Variants in EYS observed in about 807,000 individuals in gnomAD.
EYS encodes the protein protein eyes shut homolog.
A neutral mutation model predicts 282.1 loss-of-function variants in EYS; 250 were observed. The observed-to-expected ratio is 0.89, with a 90% CI of 0.80 to 0.98. The LOEUF is 0.98. Among genes scored for constraint, EYS ranks in the 50% least tolerant of loss-of-function variants. The pLI is 0.00. For synonymous variants in EYS, 1,355 were observed against 1,282.9 expected (o/e 1.06, Z -1.20); for missense variants, 4,016 against 3,709.0 (o/e 1.08, Z -2.15).
chr6:65,086,254 T>G (rs140454513), intron 12 of EYS, among the ~76,000 whole-genome samples: 3 of 152,154 alleles, frequency 2.0e-5, no homozygotes, highest in African/African-American at 4.8e-5. Context: ...AGGCTGTGGT[T>G]GTATTGAGCC....
intron 2 of EYS, among the ~76,000 whole-genome samples, chr6:65,570,595 T>C (rs1562264831): frequency 6.6e-6 from 1 of 152,124 alleles, no homozygotes; most frequent in Non-Finnish European, 1.5e-5. Context: ...GCTGATACTG[T>C]CACAGAGCAG....
rs1305359095 is a variant in EYS at position 65,296,006 on chromosome 6, C to A, written c.1880G>T (p.Cys627Phe). 5.2e-6 allele frequency: 8 copies of A among 1,551,080 alleles called. No homozygotes were observed. Among genetic ancestry groups the A allele is most frequent in the African/African-American group, 1.4e-5 (1 of 72,970 alleles). Reference sequence around the variant, plus strand: ...ATATCTTTGCAGACCGCTACAGTTACAATTGTGCGAAAGGGCCAGGCAGAG... The same window carrying A: ...ATATCTTTGCAGACCGCTACAGTTAAAATTGTGCGAAAGGGCCAGGCAGAG... ...HGLCLALSHN[C>F]NCSGLQRYER... Residue 627 changes from cysteine (C) to phenylalanine (F), a missense_variant, in exon 12 of 43, where the codon TGT (cysteine) becomes TTT (phenylalanine). Transcript: ENST00000503581.
intron 13 of EYS, among the ~76,000 whole-genome samples, chr6:65,011,994 T>C (rs1771888959): frequency 6.6e-6 from 1 of 152,200 alleles, no homozygotes; most frequent in African/African-American, 2.4e-5. Context: ...TTATTAACAA[T>C]TTGATGCTCC....
At chr6:64,624,958 C>T (rs1767558746) in intron 23 of EYS, among the ~76,000 whole-genome samples, 1 of 152,156 alleles carries the variant, frequency 6.6e-6, no homozygotes, top group Non-Finnish European at 1.5e-5. Flanking sequence ...ATGTATCAGC[C>T]TCCATCTCCT....
chr6:63,815,967 T>C (rs531685700), intron 36 of EYS, among the ~76,000 whole-genome samples: 1 of 152,304 alleles, frequency 6.6e-6, no homozygotes, highest in South Asian at 2.1e-4. Context: ...CCAGGGATAC[T>C]ATAGGGAAAA....
chr6:63,722,409 T>C (rs1561994740), intron 42 of EYS, among the ~76,000 whole-genome samples: 1 of 152,190 alleles, frequency 6.6e-6, no homozygotes, highest in East Asian at 1.9e-4. Context: ...TTTTTTTCTG[T>C]CAGTGCCTTA....
intron 26 of EYS, among the ~76,000 whole-genome samples, chr6:64,506,974 T>G (rs1268542854): frequency 7.3e-6 from 1 of 136,342 alleles, no homozygotes; most frequent in Non-Finnish European, 1.5e-5. Flanking sequence ...AGTTTCAGTT[T>G]TTTTTTTTTT....
At chr6:65,246,364 A>G (rs974497947) in intron 12 of EYS, among the ~76,000 whole-genome samples, 2 of 152,160 alleles carry the variant, frequency 1.3e-5, no homozygotes, top group African/African-American at 4.8e-5. Flanking sequence ...GACTGAATGC[A>G]AATAAAAGTT....
chr6:64,476,021 C>T (rs1190497188), intron 26 of EYS, among the ~76,000 whole-genome samples: 2 of 152,138 alleles, frequency 1.3e-5, no homozygotes, highest in African/African-American at 2.4e-5. Flanking sequence ...AAACTACTGG[C>T]CTCGAGCGAT....
At chr6:63,866,126 G>A (rs542442092) in intron 35 of EYS, among the ~76,000 whole-genome samples, 26 of 152,222 alleles carry the variant, frequency 1.7e-4, no homozygotes, top group African/African-American at 5.3e-4. Context: ...TTCTGTTTCC[G>A]AGAAATAAAG....
At position 64,198,198 on chromosome 6, in the gene EYS, G is replaced by C. The variant is rs184533376; in HGVS notation, c.6424+32394C>G. ...TTTTTTTTGTATTTTTAGTAGAGAC[G>C]GGGTTTCATCGTGTTTGCCAGGATG... On this transcript the variant is annotated intron_variant, in intron 31 of 42. Transcript: ENST00000503581. Among the ~76,000 whole-genome samples, 1,335 of 150,208 alleles carry C rather than the reference G, an allele frequency of 8.9e-3. 17 individuals are homozygous for C. The highest frequency in any genetic ancestry group is 0.031 in the African/African-American group (1,247 of 40,882).
chr6:64,606,829 CA>C (rs1384350718), intron 24 of EYS, among the ~76,000 whole-genome samples: 1 of 151,962 alleles, frequency 6.6e-6, no homozygotes, highest in Admixed American at 6.6e-5. Context: ...GAAAGTAAGG[CA>C]AAACCAAATC....
chr6:64,783,691 T>C (rs1483257854), intron 22 of EYS, among the ~76,000 whole-genome samples: 2 of 152,166 alleles, frequency 1.3e-5, no homozygotes, highest in South Asian at 2.1e-4. Flanking sequence ...GTATAGTCAA[T>C]GAATACAATT....
intron 12 of EYS, among the ~76,000 whole-genome samples, chr6:65,090,267 T>C (rs1774517832): frequency 6.6e-6 from 1 of 152,120 alleles, no homozygotes. Flanking sequence ...TCATGAGATA[T>C]GATGGTTTTA....
At chr6:64,800,848 A>G (rs893862567) in intron 22 of EYS, among the ~76,000 whole-genome samples, 5 of 152,074 alleles carry the variant, frequency 3.3e-5, no homozygotes, top group Non-Finnish European at 5.9e-5. Flanking sequence ...CATGGGATAT[A>G]TTTTTGAAAA....
At chr6:65,198,435 G>T (rs921528247) in intron 12 of EYS, among the ~76,000 whole-genome samples, 5 of 152,100 alleles carry the variant, frequency 3.3e-5, no homozygotes, top group Admixed American at 3.3e-4. Flanking sequence ...TTATCATTGG[G>T]AAGTATTGTG....
chr6:64,925,758 GGGTT>G (rs1768495480), intron 15 of EYS, among the ~76,000 whole-genome samples: 1 of 152,084 alleles, frequency 6.6e-6, no homozygotes, highest in African/African-American at 2.4e-5. Flanking sequence ...GTGGTGGGTT[GGGTT>G]GTAGAACATT....
At chr6:64,762,008 A>G (rs1334803113) in intron 22 of EYS, among the ~76,000 whole-genome samples, 1 of 152,162 alleles carries the variant, frequency 6.6e-6, no homozygotes, top group African/African-American at 2.4e-5. Flanking sequence ...ATAATAATGA[A>G]TGAATGATAT....
At chr6:64,597,035 CA>C (rs1243073961) in intron 24 of EYS, among the ~76,000 whole-genome samples, 1 of 151,396 alleles carries the variant, frequency 6.6e-6, no homozygotes, top group African/African-American at 2.4e-5. Context: ...ATAACCCCAT[CA>C]AAAAAAGTGG....
Sources: allele counts gnomAD v4.1 joint callset (sites outside exome capture counted in the v4.1 genomes callset), GRCh38; gene constraint gnomAD v4.1.1; transcripts MANE v1.5; gene names NCBI Gene and HGNC (gene_info 2026-07-23, HGNC 2026-07-21).